The following MYO1B variants were observed in gnomAD, a reference collection of about 807,000 sequenced individuals.
MYO1B encodes myosin IB.
In MYO1B, 72 loss-of-function variants were observed where a neutral mutation model predicts 159.7. The ratio of observed to expected loss-of-function variants is 0.45; its 90% CI spans 0.37 to 0.55. The LOEUF (loss-of-function observed/expected upper bound fraction) is 0.55, where lower values mean the gene tolerates loss of function less well. Among genes scored for constraint, MYO1B ranks in the 20% least tolerant of loss-of-function variants. The pLI, the probability that MYO1B is intolerant of heterozygous loss-of-function variation, is 0.00. For missense variants in MYO1B, 1,062 were observed against 1,364.8 expected (o/e 0.78, Z 3.50); for synonymous variants, 468 against 473.8 (o/e 0.99, Z 0.16).
intron 6 of MYO1B, among the ~76,000 whole-genome samples, chr2:191,347,842 T>C (rs539115381): frequency 3.3e-5 from 5 of 152,376 alleles, no homozygotes; most frequent in African/African-American, 1.2e-4. Flanking sequence ...GTACTTGTAC[T>C]CCGGGGAAAT....
chr2:191,422,084 T>A (rs927864455), intron 30 of MYO1B, among the ~76,000 whole-genome samples: 1 of 152,098 alleles, frequency 6.6e-6, no homozygotes, highest in African/African-American at 2.4e-5. Flanking sequence ...ACCTTGAAAC[T>A]GAAACTAATG....
At chr2:191,403,188 G>C (rs73984132) in intron 24 of MYO1B, among the ~76,000 whole-genome samples, 2,408 of 152,294 alleles carry the variant, frequency 0.016, 63 homozygotes, top group African/African-American at 0.055. Flanking sequence ...ATTGTTCAGC[G>C]TTGGAACCAA....
rs1329278825 is a variant in MYO1B at position 191,370,227 on chromosome 2, G to A, written c.1120G>A (p.Ala374Thr). 1 of 1,611,738 alleles carries A rather than the reference G, an allele frequency of 6.2e-7. No homozygotes were observed. Among genetic ancestry groups the A allele is most frequent in the African/African-American group, 1.3e-5 (1 of 74,780 alleles). ...LVNRINESIKAQTKVRKKVMG... is the reference protein window; with the variant it reads ...LVNRINESIKTQTKVRKKVMG... ...CCCTTTAATTTGAAACTTTTTAAAG[G>A]CACAAACAAAAGTGAGAAAGAAGGT... Residue 374 changes from alanine to threonine, a missense_variant and splice_region_variant, in exon 13 of 31, where the codon GCA becomes ACA. Ala to Thr is a moderately conservative substitution (Grantham distance 58, BLOSUM62 0). This residue lies in a region of MYO1B where 415 missense variants were observed against 544.0 expected (regional missense o/e 0.76). Coordinates refer to ENST00000392318, the MANE Select transcript of MYO1B (RefSeq NM_001130158.3).
intron 21 of MYO1B, among the ~76,000 whole-genome samples, chr2:191,397,797 A>G (rs535450794): frequency 2.8e-5 from 4 of 142,840 alleles, no homozygotes; most frequent in Non-Finnish European, 4.6e-5. Context: ...CACCTCCCGG[A>G]TGGGGCGTCT....
intron 30 of MYO1B, among the ~76,000 whole-genome samples, chr2:191,419,513 C>T (rs765967362): frequency 5.3e-5 from 8 of 152,222 alleles, no homozygotes; most frequent in African/African-American, 1.2e-4. Flanking sequence ...CCACCACGCC[C>T]GGCCTATACT....
In MYO1B at chr2:191,248,641, G is replaced by A. The variant is rs150074656; in HGVS notation, c.-10+3015G>A. On this transcript the variant is annotated intron_variant, in intron 1 of 30. Coordinates refer to ENST00000392318, the MANE Select transcript of MYO1B (RefSeq NM_001130158.3). Reference sequence around the variant, plus strand: ...CAAAATTCTAAGTATGATTTCCACTGAATGCCTATCATTTTTGCACCATTA... The same window carrying A: ...CAAAATTCTAAGTATGATTTCCACTAAATGCCTATCATTTTTGCACCATTA... Among the ~76,000 whole-genome samples, 74 of 152,284 alleles carry A rather than the reference G, an allele frequency of 4.9e-4. 1 individual carries two copies. Among genetic ancestry groups the A allele is most frequent in the African/African-American group, 1.8e-3 (73 of 41,546 alleles).
chr2:191,368,393 C>A (rs1431806687), intron 11 of MYO1B, among the ~76,000 whole-genome samples: 1 of 152,194 alleles, frequency 6.6e-6, no homozygotes, highest in Non-Finnish European at 1.5e-5. Context: ...AGGCTGCTGA[C>A]ACCCAACCTC....
intron 30 of MYO1B, among the ~76,000 whole-genome samples, chr2:191,419,465 G>C (rs1051315102): frequency 1.3e-5 from 2 of 152,114 alleles, no homozygotes; most frequent in Non-Finnish European, 2.9e-5. Context: ...TGATCTGCCC[G>C]CCTCAGCCTC....
At chr2:191,257,123 C>T (rs572342328) in intron 1 of MYO1B, among the ~76,000 whole-genome samples, 1 of 152,192 alleles carries the variant, frequency 6.6e-6, no homozygotes, top group East Asian at 1.9e-4. Context: ...CCCATTTATT[C>T]AATTCAAAAT....
At chr2:191,276,630 C>G (rs1430505648) in intron 1 of MYO1B, among the ~76,000 whole-genome samples, 1 of 152,024 alleles carries the variant, frequency 6.6e-6, no homozygotes, top group East Asian at 1.9e-4. Context: ...TTTCTAGTGG[C>G]TTTTTCTGTA....
At chr2:191,285,764 G>A (rs544719438) in intron 2 of MYO1B, among the ~76,000 whole-genome samples, 1 of 152,124 alleles carries the variant, frequency 6.6e-6, no homozygotes, top group Non-Finnish European at 1.5e-5. Flanking sequence ...CAGAGACATG[G>A]GCAGGGGCGA....
At chr2:191,290,089 T>C (rs911480346) in intron 2 of MYO1B, among the ~76,000 whole-genome samples, 10 of 152,250 alleles carry the variant, frequency 6.6e-5, no homozygotes, top group Non-Finnish European at 2.9e-5. Flanking sequence ...TGATTTTGGC[T>C]GTTGATTATT....
chr2:191,260,574 T>C (rs1025754192), intron 1 of MYO1B, among the ~76,000 whole-genome samples: 6 of 152,140 alleles, frequency 3.9e-5, no homozygotes, highest in Non-Finnish European at 7.4e-5. Flanking sequence ...CATGAATGGA[T>C]TTACCATTTA....
At chr2:191,398,741 A>G (rs1476982873) in intron 21 of MYO1B, among the ~76,000 whole-genome samples, 2 of 147,170 alleles carry the variant, frequency 1.4e-5, no homozygotes, top group Admixed American at 1.3e-4. Flanking sequence ...CGCTTCCTAG[A>G]TGGGATGGCG....
In MYO1B at chr2:191,400,894, C is replaced by T. The variant is rs1696570855; in HGVS notation, c.2469+59C>T. On this transcript the variant is annotated intron_variant, in intron 23 of 30. Transcript: ENST00000392318. ...GGAATTCTGCAATAATCAGTCCTTACCTCTAGCCTATTAGGGGATGAATGA... is the reference window on the plus strand; with the variant it reads ...GGAATTCTGCAATAATCAGTCCTTATCTCTAGCCTATTAGGGGATGAATGA... 7 of 1,506,804 alleles carry T rather than the reference C, an allele frequency of 4.6e-6. No homozygotes were observed. In the South Asian group the frequency reaches 7.0e-5, roughly 15 times the overall value. 93.3% of individuals were successfully genotyped at this position (1,506,804 alleles called of 1,614,324 possible). A position where few individuals can be genotyped will look rare whatever the true frequency, so the allele number is the denominator to read the frequency against.
At chr2:191,386,212 A>G (rs1459984604) in intron 16 of MYO1B, 128 bp downstream of exon 16, 1 of 773,572 alleles carries the variant, frequency 1.3e-6, no homozygotes, top group African/African-American at 1.7e-5. Flanking sequence ...AAGTGGTTGA[A>G]TCGATAAATG....
At chr2:191,290,652 A>G (rs1383125190) in intron 2 of MYO1B, among the ~76,000 whole-genome samples, 1 of 152,186 alleles carries the variant, frequency 6.6e-6, no homozygotes, top group Non-Finnish European at 1.5e-5. Flanking sequence ...TGTGATGAAA[A>G]TTTTATTTCT....
chr2:191,334,852 A>G (rs1691724505), intron 4 of MYO1B, among the ~76,000 whole-genome samples: 1 of 152,240 alleles, frequency 6.6e-6, no homozygotes, highest in Non-Finnish European at 1.5e-5. Flanking sequence ...AATAATAGAC[A>G]AAATAGAGCA....
intron 30 of MYO1B, among the ~76,000 whole-genome samples, chr2:191,421,621 A>G (rs1413815283): frequency 6.6e-6 from 1 of 152,062 alleles, no homozygotes; most frequent in Non-Finnish European, 1.5e-5. Flanking sequence ...AATTACAGGC[A>G]TGCACCACCG....
Sources: allele counts gnomAD v4.1 joint callset (sites outside exome capture counted in the v4.1 genomes callset), GRCh38; gene constraint gnomAD v4.1.1; regional missense constraint gnomAD v4.1.1; transcripts MANE v1.5; gene names NCBI Gene and HGNC (gene_info 2026-07-23, HGNC 2026-07-21).